Variants in NALCN observed in about 807,000 individuals in gnomAD.
The protein encoded by NALCN is sodium leak channel NALCN.
Under a neutral mutation model 225.3 loss-of-function variants are expected in NALCN, and 111 were observed. That is an observed-to-expected ratio of 0.49 (90% CI 0.42 to 0.58). The LOEUF (loss-of-function observed/expected upper bound fraction) is 0.58. Among genes scored for constraint, NALCN ranks in the 20% least tolerant of loss-of-function variants. The pLI is 0.00. For missense variants in NALCN, 1,378 were observed against 2,202.4 expected, an observed-to-expected ratio of 0.63 and a Z score of 7.49; for synonymous variants, 764 against 769.0, an observed-to-expected ratio of 0.99 and a Z score of 0.11.
chr13:101,204,714 T>C (rs2040248414), intron 13 of NALCN, among the ~76,000 whole-genome samples: 1 of 152,176 alleles, frequency 6.6e-6, no homozygotes, highest in South Asian at 2.1e-4. Flanking sequence ...GTATGTCCAA[T>C]TGTCTCTTTC....
intron 15 of NALCN, among the ~76,000 whole-genome samples, chr13:101,174,509 CT>C (rs1279567262): frequency 6.6e-6 from 1 of 152,036 alleles, no homozygotes; most frequent in Non-Finnish European, 1.5e-5. Context: ...TGCTTCTTCA[CT>C]TTGGGTCAGA....
chr13:101,348,092 AT>A (rs1238953562), intron 6 of NALCN, among the ~76,000 whole-genome samples: 1 of 152,148 alleles, frequency 6.6e-6, no homozygotes, highest in African/African-American at 2.4e-5. Flanking sequence ...AATTACATAT[AT>A]TTTTAATTCC....
chr13:101,314,259 T>C (rs1645343399), intron 7 of NALCN, among the ~76,000 whole-genome samples: 1 of 151,762 alleles, frequency 6.6e-6, no homozygotes, highest in African/African-American at 2.4e-5. Context: ...CATGTATACA[T>C]ATGTAACAAA....
chr13:101,399,316 G>A (rs1213690729), intron 1 of NALCN, among the ~76,000 whole-genome samples, 151 bp from the exon 2 acceptor site: 1 of 152,114 alleles, frequency 6.6e-6, no homozygotes, highest in Non-Finnish European at 1.5e-5. Context: ...ACTTTAAAAG[G>A]ATGAGATAAA....
chr13:101,141,671 G>A (rs2037084043), intron 17 of NALCN, among the ~76,000 whole-genome samples: 1 of 151,546 alleles, frequency 6.6e-6, no homozygotes, highest in South Asian at 2.1e-4. Context: ...AAAAGGGGAG[G>A]CAAGAAAGAG....
At chr13:101,227,273 G>C (rs1280509210) in intron 13 of NALCN, among the ~76,000 whole-genome samples, 2 of 152,062 alleles carry the variant, frequency 1.3e-5, no homozygotes, top group Admixed American at 6.6e-5. Flanking sequence ...TCACCCATCT[G>C]CAACCTCACT....
At chr13:101,300,809 AG>A (rs2139093580) in intron 7 of NALCN, among the ~76,000 whole-genome samples, 1 of 152,372 alleles carries the variant, frequency 6.6e-6, no homozygotes, top group South Asian at 2.1e-4. Context: ...TTGCTATTCC[AG>A]AACATGGGAC....
chr13:101,399,301 T>C (rs541600288), intron 1 of NALCN, 136 bp from the exon 2 acceptor site: 36 of 477,982 alleles, frequency 7.5e-5, no homozygotes, highest in South Asian at 1.1e-4. Flanking sequence ...CATATGAAAA[T>C]AGAAACTTTA....
chr13:101,093,445 A>AT (rs558525653), intron 28 of NALCN, among the ~76,000 whole-genome samples: 100 of 152,352 alleles, frequency 6.6e-4, no homozygotes, highest in Non-Finnish European at 1.3e-3. Flanking sequence ...GATGACATTT[A>AT]TTAGATCGAA....
intron 9 of NALCN, 66 bp from the exon 10 acceptor site, chr13:101,284,085 C>T: frequency 1.5e-6 from 2 of 1,342,102 alleles, no homozygotes; most frequent in Non-Finnish European, 2.1e-6. Context: ...CTCTATGTCT[C>T]CAGCTTTGTA....
chr13:101,110,732 C>T, intron 19 of NALCN, 44 bp from the exon 20 acceptor site: 2 of 1,599,082 alleles, frequency 1.3e-6, no homozygotes, highest in Non-Finnish European at 1.7e-6. Flanking sequence ...CAAGATCAAA[C>T]TGGCCTTTCA....
intron 43 of NALCN, 56 bp downstream of exon 43, chr13:101,057,883 A>G: frequency 6.6e-6 from 9 of 1,365,692 alleles, no homozygotes; most frequent in Non-Finnish European, 8.4e-6. Context: ...ACACACAAAC[A>G]GAGTAAATAC....
At chr13:101,122,358 A>G (rs1177988950) in intron 18 of NALCN, among the ~76,000 whole-genome samples, 5 of 152,088 alleles carry the variant, frequency 3.3e-5, no homozygotes, top group Non-Finnish European at 7.4e-5. Flanking sequence ...TCAAAAGGTG[A>G]TATAGCTCAG....
chr13:101,349,363 T>C (rs534361958), intron 6 of NALCN, among the ~76,000 whole-genome samples: 1 of 152,254 alleles, frequency 6.6e-6, no homozygotes, highest in South Asian at 2.1e-4. Context: ...AAAATACTGG[T>C]CCCCTAAAGA....
intron 7 of NALCN, among the ~76,000 whole-genome samples, chr13:101,315,942 T>G (rs1342967637): frequency 1.3e-5 from 2 of 152,082 alleles, no homozygotes; most frequent in Non-Finnish European, 2.9e-5. Context: ...TGCCAAAATC[T>G]CCCCTGAAAT....
At chr13:101,099,840 G>C (rs929946046) in intron 27 of NALCN, among the ~76,000 whole-genome samples, 1 of 152,120 alleles carries the variant, frequency 6.6e-6, no homozygotes, top group Non-Finnish European at 1.5e-5. Flanking sequence ...CATGGCAAAG[G>C]GTGGCGGCAT....
chr13:101,078,611 C>T (rs940455491), intron 34 of NALCN, among the ~76,000 whole-genome samples: 4 of 152,160 alleles, frequency 2.6e-5, no homozygotes, highest in South Asian at 2.1e-4. Context: ...AATGCCTGTA[C>T]CCCCATTGTA....
At chr13:101,135,052 G>T (rs558396552) in intron 17 of NALCN, among the ~76,000 whole-genome samples, 1 of 152,096 alleles carries the variant, frequency 6.6e-6, no homozygotes, top group South Asian at 2.1e-4. Flanking sequence ...AAAATTAGCC[G>T]GGCGTGGTTG....
At chr13:101,352,660 C>G (rs960012110) in intron 6 of NALCN, among the ~76,000 whole-genome samples, 1 of 152,088 alleles carries the variant, frequency 6.6e-6, no homozygotes, top group African/African-American at 2.4e-5. Flanking sequence ...GTGACTGATG[C>G]AGCATGAGCT....
Sources: gnomAD v4.1 joint callset for allele counts (sites outside exome capture counted in the v4.1 genomes callset) on GRCh38, gnomAD v4.1.1 for gene constraint, MANE v1.5 for transcripts, NCBI Gene and HGNC (gene_info 2026-07-23, HGNC 2026-07-21) for gene names.